Variants in SYNPR observed in about 807,000 individuals in gnomAD.
The protein encoded by SYNPR is synaptoporin.
Under a neutral mutation model 32.9 loss-of-function variants are expected in SYNPR, and 23 were observed. The observed-to-expected ratio is 0.70, with a 90% CI of 0.50 to 0.99. The LOEUF (loss-of-function observed/expected upper bound fraction) is 0.99, where lower values mean the gene tolerates loss of function less well. SYNPR is among the 50% of genes least tolerant of loss of function. SYNPR has a pLI of 0.00. For missense variants in SYNPR, 318 were observed against 349.3 expected (o/e 0.91, Z 0.71); for synonymous variants, 146 against 135.9 (o/e 1.07, Z -0.52).
chr3:63,431,676 G>A (rs1424566231), intron 2 of SYNPR, among the ~76,000 whole-genome samples: 1 of 150,092 alleles, frequency 6.7e-6, no homozygotes, highest in African/African-American at 2.5e-5. Flanking sequence ...GGCTGCAAAG[G>A]AAAGAAAAAG....
chr3:63,401,936 A>C (rs2088298434), intron 2 of SYNPR, among the ~76,000 whole-genome samples: 1 of 152,144 alleles, frequency 6.6e-6, no homozygotes, highest in Non-Finnish European at 1.5e-5. Flanking sequence ...TAAAGAAAGC[A>C]ATGTCTTCTG....
intron 2 of SYNPR, among the ~76,000 whole-genome samples, chr3:63,372,803 T>C (rs1468936032): frequency 6.6e-6 from 1 of 152,144 alleles, no homozygotes; most frequent in African/African-American, 2.4e-5. Context: ...CAAGTAAAGA[T>C]CTGCAGCTAG....
chr3:63,543,068 TA>T (rs1702335948), intron 3 of SYNPR, among the ~76,000 whole-genome samples: 1 of 152,126 alleles, frequency 6.6e-6, no homozygotes, highest in African/African-American at 2.4e-5. Flanking sequence ...ATAAATTTAT[TA>T]AATACAAAAA....
chr3:63,495,935 C>A (rs1701366390), intron 3 of SYNPR, among the ~76,000 whole-genome samples: 1 of 136,496 alleles, frequency 7.3e-6, no homozygotes. Flanking sequence ...AGAGTGAGCC[C>A]AGATATGAAC....
At chr3:63,325,311 C>A (rs1261241235) in intron 2 of SYNPR, among the ~76,000 whole-genome samples, 1 of 152,214 alleles carries the variant, frequency 6.6e-6, no homozygotes, top group Admixed American at 6.5e-5. Context: ...GCATCACTCA[C>A]TTGGGGTACA....
chr3:63,563,389 G>A (rs1186477721), intron 4 of SYNPR, among the ~76,000 whole-genome samples: 2 of 152,146 alleles, frequency 1.3e-5, no homozygotes, highest in Non-Finnish European at 2.9e-5. Flanking sequence ...AAGAGATATG[G>A]AGCTGGATGC....
chr3:63,571,099 A>G (rs569197120), intron 4 of SYNPR, among the ~76,000 whole-genome samples: 1 of 152,242 alleles, frequency 6.6e-6, no homozygotes, highest in South Asian at 2.1e-4. Flanking sequence ...TGTTATCAAG[A>G]CCACGCCTCA....
the SYNPR span, chr3:63,203,101 T>TA: frequency 6.7e-5 from 9 of 134,380 alleles, no homozygotes; most frequent in Non-Finnish European, 1.3e-4. Flanking sequence ...TATATATATA[T>TA]TTGCCACGTT....
chr3:63,497,286 G>C (rs1167748130), intron 3 of SYNPR, among the ~76,000 whole-genome samples: 1 of 152,066 alleles, frequency 6.6e-6, no homozygotes, highest in Non-Finnish European at 1.5e-5. Flanking sequence ...TTAAATGTTG[G>C]CATTGAGAAG....
At chr3:63,261,279 C>T (rs911755003) in intron 2 of SYNPR, among the ~76,000 whole-genome samples, 21 of 151,874 alleles carry the variant, frequency 1.4e-4, no homozygotes, top group African/African-American at 3.9e-4. Flanking sequence ...ATGTTTATTG[C>T]GGCACTATTC....
chr3:63,556,677 C>T lies in SYNPR; in HGVS notation c.344C>T (p.Ala115Val). 1 of 1,613,812 alleles carries T rather than the reference C, an allele frequency of 6.2e-7. No homozygotes were observed. The highest frequency in any genetic ancestry group is 8.5e-7 in the Non-Finnish European group (1 of 1,179,816). ...GTCTTCGCCTTCCTCTACTCTTTGG[C>T]TGCCACTGTCGTTTACATTTTCTTC... ...VAVFAFLYSL[A>V]ATVVYIFFQN... Residue 115 changes from alanine to valine, a missense_variant, in exon 4 of 6, where the codon GCT (alanine) becomes GTT (valine). By Grantham distance (64) the Ala-to-Val change is moderately conservative. Transcript: ENST00000478300.
intron 1 of SYNPR, chr3:63,252,365 T>G (rs189476641): frequency 2.0e-5 from 3 of 152,236 alleles, no homozygotes; most frequent in East Asian, 1.9e-4. Context: ...ATCCATTACA[T>G]TGAATTTGAA....
intron 2 of SYNPR, among the ~76,000 whole-genome samples, chr3:63,467,642 A>T (rs1559507790): frequency 6.6e-6 from 1 of 152,230 alleles, no homozygotes; most frequent in African/African-American, 2.4e-5. Context: ...TAGCAGCAGC[A>T]GTTGTTGTGG....
intron 2 of SYNPR, among the ~76,000 whole-genome samples, chr3:63,353,454 G>A (rs542125774): frequency 6.6e-6 from 1 of 152,290 alleles, no homozygotes; most frequent in African/African-American, 2.4e-5. Flanking sequence ...CACCTACTAT[G>A]TTTTAAGCAT....
At chr3:63,242,725 G>A (rs972628830) in intron 1 of SYNPR, among the ~76,000 whole-genome samples, 2 of 152,070 alleles carry the variant, frequency 1.3e-5, no homozygotes, top group Admixed American at 1.3e-4. Context: ...ATTGCTGGAT[G>A]AGGAGTGAAA....
At chr3:63,378,522 T>A (rs1015309317) in intron 2 of SYNPR, among the ~76,000 whole-genome samples, 6 of 152,052 alleles carry the variant, frequency 3.9e-5, no homozygotes, top group Non-Finnish European at 8.8e-5. Flanking sequence ...TCTTCCCCTC[T>A]GCCAATATTG....
intron 3 of SYNPR, among the ~76,000 whole-genome samples, chr3:63,541,673 A>G (rs997195044): frequency 2.6e-5 from 4 of 152,168 alleles, no homozygotes; most frequent in Non-Finnish European, 4.4e-5. Context: ...AGTCTTCTTT[A>G]GTTCATATTC....
intron 2 of SYNPR, among the ~76,000 whole-genome samples, chr3:63,467,812 A>T (rs1231698446): frequency 6.6e-6 from 1 of 152,166 alleles, no homozygotes; most frequent in Admixed American, 6.5e-5. Flanking sequence ...CACAATCCAA[A>T]TGCATTGTAA....
At chr3:63,349,462 C>T (rs2087478056) in intron 2 of SYNPR, among the ~76,000 whole-genome samples, 1 of 152,222 alleles carries the variant, frequency 6.6e-6, no homozygotes. Flanking sequence ...GTGACATCTA[C>T]AATTTCTTTC....
Sources: gnomAD v4.1 joint callset for allele counts (sites outside exome capture counted in the v4.1 genomes callset) on GRCh38, gnomAD v4.1.1 for gene constraint, MANE v1.5 for transcripts, NCBI Gene and HGNC (gene_info 2026-07-23, HGNC 2026-07-21) for gene names.